CRPPA: variants seen among roughly 807,000 people sequenced by gnomAD.
CRPPA encodes the protein D-ribitol-5-phosphate cytidylyltransferase.
Under a neutral mutation model 52.0 loss-of-function variants are expected in CRPPA, and 43 were observed. The observed-to-expected ratio is 0.83, with a 90% CI of 0.65 to 1.07. The LOEUF is 1.07. CRPPA is among the 50% of genes least tolerant of loss of function. The probability of loss-of-function intolerance (pLI) is 0.00; values close to 1 mark genes in which losing one functional copy is unlikely to be tolerated. For missense variants in CRPPA, 629 were observed against 551.7 expected (o/e 1.14, Z -1.40); for synonymous variants, 250 against 203.5 (o/e 1.23, Z -1.94).
chr7:16,397,361 A>G (rs573652514), intron 2 of CRPPA, among the ~76,000 whole-genome samples: 3 of 152,344 alleles, frequency 2.0e-5, no homozygotes, highest in East Asian at 1.9e-4. Flanking sequence ...CAGGTGACTG[A>G]CGTGTGTAAC....
chr7:16,119,950 G>A (rs190931589), intron 9 of CRPPA, among the ~76,000 whole-genome samples: 124 of 152,262 alleles, frequency 8.1e-4, no homozygotes, highest in Non-Finnish European at 1.6e-3. Context: ...AATTCCTAAG[G>A]ATCACACAGG....
At chr7:16,244,997 T>C (rs2128407758) in intron 8 of CRPPA, among the ~76,000 whole-genome samples, 1 of 152,224 alleles carries the variant, frequency 6.6e-6, no homozygotes, top group Non-Finnish European at 1.5e-5. Context: ...TCACACTCCT[T>C]TTGACCATTC....
intron 9 of CRPPA, among the ~76,000 whole-genome samples, chr7:16,174,407 C>G (rs1781252453): frequency 5.9e-5 from 9 of 152,096 alleles, no homozygotes; most frequent in Admixed American, 5.9e-4. Context: ...AAAGCAGCCC[C>G]ATAGACAACA....
At chr7:16,262,920 G>T (rs930926671) in intron 6 of CRPPA, among the ~76,000 whole-genome samples, 5 of 151,996 alleles carry the variant, frequency 3.3e-5, no homozygotes, top group African/African-American at 1.2e-4. Flanking sequence ...TGTTTGTTTG[G>T]CTACTGTTAA....
intron 3 of CRPPA, among the ~76,000 whole-genome samples, chr7:16,371,554 G>A (rs1158435438): frequency 6.6e-6 from 1 of 151,394 alleles, no homozygotes; most frequent in African/African-American, 2.4e-5. Flanking sequence ...AAAACCCACA[G>A]TCCAATCAAA....
intron 4 of CRPPA, among the ~76,000 whole-genome samples, chr7:16,307,468 G>C (rs1375081969): frequency 6.6e-6 from 1 of 151,880 alleles, no homozygotes; most frequent in East Asian, 1.9e-4. Flanking sequence ...GATAGCCTGA[G>C]GTCAGGAGTT....
At position 16,216,544 on chromosome 7, in the gene CRPPA, T is replaced by C. The variant is rs142737237; in HGVS notation, c.1120-347A>G. On this transcript the variant is annotated intron_variant, in intron 8 of 9. Transcript: ENST00000407010. Reference sequence around the variant, plus strand: ...ATCTGAGGTACCGGGTTCATCTCACTAGGGAGCGCCAGACAGTGGGCGCAG... The same window carrying C: ...ATCTGAGGTACCGGGTTCATCTCACCAGGGAGCGCCAGACAGTGGGCGCAG... 6.1e-3 allele frequency: 1,366 copies of C among 225,072 alleles called. 22 individuals are homozygous for C. Among genetic ancestry groups the C allele is most frequent in the African/African-American group, 0.03 (1,290 of 42,448 alleles). The allele number at this position is 225,072 out of a possible 1,614,324, so 13.9% of individuals were successfully genotyped here.
intron 9 of CRPPA, among the ~76,000 whole-genome samples, chr7:16,149,262 T>G (rs184590106): frequency 6.6e-6 from 1 of 152,214 alleles, no homozygotes; most frequent in African/African-American, 2.4e-5. Context: ...AGAGGAGCTA[T>G]AAGTAAACAG....
intron 8 of CRPPA, among the ~76,000 whole-genome samples, chr7:16,239,571 A>AC (rs1562577897): frequency 2.9e-4 from 44 of 149,498 alleles, no homozygotes; most frequent in African/African-American, 1.1e-3. Context: ...AAAAAAAAAA[A>AC]AAAAAAAAAA....
At chr7:16,127,897 C>T (rs868556895) in intron 9 of CRPPA, among the ~76,000 whole-genome samples, 3 of 152,100 alleles carry the variant, frequency 2.0e-5, no homozygotes, top group South Asian at 2.1e-4. Flanking sequence ...ACTGATTAAA[C>T]GTCAAATGTT....
At chr7:16,381,272 T>C in intron 2 of CRPPA, among the ~76,000 whole-genome samples, 1 of 152,130 alleles carries the variant, frequency 6.6e-6, no homozygotes, top group Admixed American at 6.5e-5. Context: ...CCGGAGCAGG[T>C]TGTTCAGTTT....
intron 4 of CRPPA, among the ~76,000 whole-genome samples, chr7:16,305,837 G>T (rs1460311793): frequency 6.6e-6 from 1 of 152,130 alleles, no homozygotes; most frequent in Non-Finnish European, 1.5e-5. Flanking sequence ...AGCCAAGATT[G>T]TGCCACTGCA....
chr7:16,118,200 C>T (rs189296013), intron 9 of CRPPA, among the ~76,000 whole-genome samples: 14 of 152,282 alleles, frequency 9.2e-5, no homozygotes, highest in African/African-American at 1.7e-4. Flanking sequence ...CAATTTTGGG[C>T]GCACCACCCA....
chr7:16,265,432 T>C (rs917285546), intron 6 of CRPPA, among the ~76,000 whole-genome samples: 2 of 152,194 alleles, frequency 1.3e-5, no homozygotes, highest in African/African-American at 4.8e-5. Flanking sequence ...GACTGGAGTC[T>C]AACATTCAGC....
chr7:16,180,144 A>G (rs919402144), intron 9 of CRPPA, among the ~76,000 whole-genome samples: 3 of 152,064 alleles, frequency 2.0e-5, no homozygotes. Context: ...CCTCAACCCA[A>G]GTTGCATGTT....
intron 2 of CRPPA, among the ~76,000 whole-genome samples, chr7:16,400,911 G>T (rs1787799894): frequency 6.6e-6 from 1 of 152,200 alleles, no homozygotes; most frequent in Non-Finnish European, 1.5e-5. Flanking sequence ...AGGTCTGGGG[G>T]AATCCTAAAG....
At chr7:16,306,608 G>A (rs1372361521) in intron 4 of CRPPA, among the ~76,000 whole-genome samples, 4 of 152,186 alleles carry the variant, frequency 2.6e-5, no homozygotes, top group African/African-American at 9.7e-5. Flanking sequence ...TCAAAAGTGA[G>A]ACCAGGGATT....
At chr7:16,178,529 G>A (rs1455803983) in intron 9 of CRPPA, among the ~76,000 whole-genome samples, 3 of 152,058 alleles carry the variant, frequency 2.0e-5, no homozygotes, top group Non-Finnish European at 4.4e-5. Context: ...AACAAATGTA[G>A]TATTTATATA....
chr7:16,307,877 C>CTGCAGGCAA, intron 4 of CRPPA, among the ~76,000 whole-genome samples: 1 of 143,556 alleles, frequency 7.0e-6, no homozygotes, highest in Non-Finnish European at 1.5e-5. Flanking sequence ...AATGTTGATA[C>CTGCAGGCAA]TGCAGGCAAA....
Sources: allele counts gnomAD v4.1 joint callset (sites outside exome capture counted in the v4.1 genomes callset), GRCh38; gene constraint gnomAD v4.1.1; transcripts MANE v1.5; gene names NCBI Gene and HGNC (gene_info 2026-07-23, HGNC 2026-07-21).